The following MCC variants were observed in gnomAD, a reference collection of about 807,000 sequenced individuals.
MCC encodes MCC regulator of Wnt signaling pathway.
A neutral mutation model predicts 116.2 loss-of-function variants in MCC; 90 were observed. That is an observed-to-expected ratio of 0.77 (90% CI 0.65 to 0.92). The LOEUF is 0.92. Among genes scored for constraint, MCC ranks in the 40% least tolerant of loss-of-function variants. The pLI is 0.00. For synonymous variants in MCC, 578 were observed against 510.5 expected (o/e 1.13, Z -1.78); for missense variants, 1,516 against 1,312.2 (o/e 1.16, Z -2.40).
chr5:113,336,201 A>C (rs1285471884), intron 3 of MCC, among the ~76,000 whole-genome samples: 1 of 151,654 alleles, frequency 6.6e-6, no homozygotes, highest in Non-Finnish European at 1.5e-5. Context: ...ATCACCTCTT[A>C]ATTGTCCCAC....
intron 1 of MCC, chr5:113,433,885 G>C (rs778176934): frequency 1.2e-6 from 2 of 1,614,018 alleles, no homozygotes; most frequent in Admixed American, 3.3e-5. Context: ...GCCTGGGGCT[G>C]TGCCTCTCCC....
At chr5:113,250,842 C>T (rs1013155519) in intron 3 of MCC, among the ~76,000 whole-genome samples, 8 of 150,168 alleles carry the variant, frequency 5.3e-5, no homozygotes, top group Non-Finnish European at 1.2e-4. Context: ...TGGGGTCAGT[C>T]CAAGGTCGAC....
At chr5:113,223,759 G>A (rs1172556366) in intron 3 of MCC, among the ~76,000 whole-genome samples, 1 of 152,222 alleles carries the variant, frequency 6.6e-6, no homozygotes, top group Non-Finnish European at 1.5e-5. Context: ...CACAAGGGCA[G>A]AGAAAATGAT....
chr5:113,487,824 G>A (rs1389707934), intron 1 of MCC, among the ~76,000 whole-genome samples: 1 of 152,222 alleles, frequency 6.6e-6, no homozygotes, highest in African/African-American at 2.4e-5. Context: ...TGCGGCCCTG[G>A]GGTGTCCACC....
chr5:113,115,575 C>A (rs1402772551), intron 6 of MCC, among the ~76,000 whole-genome samples: 1 of 152,158 alleles, frequency 6.6e-6, no homozygotes, highest in Non-Finnish European at 1.5e-5. Context: ...CGAGCCTCTA[C>A]TGACCTTGGT....
At chr5:113,438,407 C>A (rs890844478) in intron 1 of MCC, among the ~76,000 whole-genome samples, 3 of 151,954 alleles carry the variant, frequency 2.0e-5, no homozygotes, top group African/African-American at 7.3e-5. Context: ...GTGTGACTCT[C>A]GGAAAGTAAC....
intron 4 of MCC, among the ~76,000 whole-genome samples, chr5:113,150,334 C>T (rs979658750): frequency 6.6e-6 from 1 of 152,138 alleles, no homozygotes; most frequent in Non-Finnish European, 1.5e-5. Flanking sequence ...CAGAAAAATA[C>T]TGACGTCAAA....
chr5:113,051,370 T>C (rs982945009), intron 15 of MCC, among the ~76,000 whole-genome samples: 26 of 151,908 alleles, frequency 1.7e-4, no homozygotes, highest in African/African-American at 5.8e-4. Context: ...AACTAGAAAA[T>C]AAAGATTTAA....
intron 3 of MCC, among the ~76,000 whole-genome samples, chr5:113,172,984 C>G (rs1761150602): frequency 6.6e-6 from 1 of 151,868 alleles, no homozygotes; most frequent in South Asian, 2.1e-4. Context: ...TTTTTAATTG[C>G]CTGTTTATGT....
intron 5 of MCC, among the ~76,000 whole-genome samples, chr5:113,124,375 G>T (rs1003418543): frequency 6.6e-6 from 1 of 152,224 alleles, no homozygotes; most frequent in Admixed American, 6.5e-5. Flanking sequence ...TCTGATTTTA[G>T]TTAAGGGAGA....
chr5:113,110,429 A>G (rs1300999456), intron 6 of MCC, among the ~76,000 whole-genome samples: 1 of 152,220 alleles, frequency 6.6e-6, no homozygotes, highest in East Asian at 1.9e-4. Context: ...AAGGGAGACA[A>G]GGTGTTTTTG....
chr5:113,467,011 G>T (rs1211404701), intron 1 of MCC, among the ~76,000 whole-genome samples: 1 of 151,690 alleles, frequency 6.6e-6, no homozygotes, highest in African/African-American at 2.4e-5. Context: ...CATATCCTTT[G>T]CCCACTTTTT....
chr5:113,024,792 T>G lies in MCC; in HGVS notation c.*2510A>C, dbSNP rs1750415578. On this transcript the variant is annotated 3_prime_UTR_variant, in exon 19 of 19. Transcript: ENST00000408903. ...AGCTCCCACAATTAGCATAATCAAGTGCCACCTAGTTCACCTTCAAGGATT... is the reference window on the plus strand; with the variant it reads ...AGCTCCCACAATTAGCATAATCAAGGGCCACCTAGTTCACCTTCAAGGATT... The G allele has an allele frequency of 6.6e-6, 1 of 152,192 alleles. No individual in the cohort carries two copies. Among genetic ancestry groups the G allele is most frequent in the Non-Finnish European group, 1.5e-5 (1 of 68,042 alleles). The allele number at this position is 152,192 out of a possible 1,614,324, so 9.4% of individuals were successfully genotyped here.
intron 1 of MCC, among the ~76,000 whole-genome samples, chr5:113,448,803 A>G (rs1487510819): frequency 1.3e-5 from 2 of 152,230 alleles, no homozygotes; most frequent in African/African-American, 4.8e-5. Flanking sequence ...GAAGGTGCCT[A>G]AAAACAAGGA....
At chr5:113,179,533 T>C (rs181142614) in intron 3 of MCC, among the ~76,000 whole-genome samples, 179 of 152,330 alleles carry the variant, frequency 1.2e-3, no homozygotes, top group African/African-American at 4.1e-3. Flanking sequence ...TGGTTGTGTG[T>C]TGATCCTTTA....
At chr5:113,345,722 A>G (rs1768118305) in intron 2 of MCC, among the ~76,000 whole-genome samples, 2 of 152,236 alleles carry the variant, frequency 1.3e-5, no homozygotes, top group South Asian at 4.1e-4. Context: ...TTGGTGCCCA[A>G]GTCCCTTTGG....
chr5:113,279,892 T>C (rs1765970525), intron 3 of MCC, among the ~76,000 whole-genome samples: 1 of 152,246 alleles, frequency 6.6e-6, no homozygotes, highest in African/African-American at 2.4e-5. Context: ...ATAAAGGGAA[T>C]ACTTGCAAAA....
intron 3 of MCC, among the ~76,000 whole-genome samples, chr5:113,160,263 G>A (rs539157272): frequency 6.6e-6 from 1 of 152,166 alleles, no homozygotes; most frequent in East Asian, 1.9e-4. Flanking sequence ...TGGCTCCCAA[G>A]GGGGAGAGGT....
intron 2 of MCC, among the ~76,000 whole-genome samples, chr5:113,353,546 A>G (rs78455635): frequency 0.018 from 2,696 of 152,314 alleles, 47 homozygotes; most frequent in Non-Finnish European, 0.025. Context: ...TAAATTGCCT[A>G]CTAATAAGCA....
Sources: allele counts gnomAD v4.1 joint callset (sites outside exome capture counted in the v4.1 genomes callset), GRCh38; gene constraint gnomAD v4.1.1; transcripts MANE v1.5; gene names NCBI Gene and HGNC (gene_info 2026-07-23, HGNC 2026-07-21).